Variants in AGBL4 observed in about 807,000 individuals in gnomAD.
AGBL4 encodes the protein cytosolic carboxypeptidase 6.
In AGBL4, 58 loss-of-function variants were observed where a neutral mutation model predicts 66.4. The observed-to-expected ratio is 0.87, with a 90% CI of 0.71 to 1.09. The LOEUF (loss-of-function observed/expected upper bound fraction) is 1.09, where lower values mean the gene tolerates loss of function less well. Ranked by LOEUF, AGBL4 falls within the 50% of genes least tolerant of loss-of-function variation. The pLI is 0.00. For missense variants in AGBL4, 579 were observed against 631.0 expected, an observed-to-expected ratio of 0.92 and a Z score of 0.88; for synonymous variants, 234 against 222.9, an observed-to-expected ratio of 1.05 and a Z score of -0.44.
intron 2 of AGBL4, among the ~76,000 whole-genome samples, chr1:49,785,169 G>C (rs1429937653): frequency 6.6e-6 from 1 of 151,960 alleles, no homozygotes; most frequent in Non-Finnish European, 1.5e-5. Context: ...CCAGTAGCTG[G>C]GGATGAGTGG....
chr1:49,517,536 T>C (rs1476034447), intron 3 of AGBL4, among the ~76,000 whole-genome samples: 4 of 151,944 alleles, frequency 2.6e-5, no homozygotes, highest in African/African-American at 7.2e-5. Context: ...GAGGGTCATT[T>C]ATTCAATAAA....
chr1:48,701,463 T>TCTTTTTCTTTTTC (rs11450789), intron 6 of AGBL4, among the ~76,000 whole-genome samples: 3 of 151,054 alleles, frequency 2.0e-5, no homozygotes, highest in Admixed American at 6.6e-5. Flanking sequence ...TTTTCCTTTT[T>TCTTTTTCTTTTTC]TTTTCTTTTC....
At chr1:48,738,892 T>C (rs1403599650) in intron 6 of AGBL4, among the ~76,000 whole-genome samples, 1 of 152,132 alleles carries the variant, frequency 6.6e-6, no homozygotes, top group Non-Finnish European at 1.5e-5. Context: ...GAGATGGAAA[T>C]AGGTAGAAAT....
intron 11 of AGBL4, among the ~76,000 whole-genome samples, chr1:48,549,344 T>A (rs1482459348): frequency 6.6e-6 from 1 of 152,184 alleles, no homozygotes; most frequent in East Asian, 1.9e-4. Flanking sequence ...ACTAAACAGG[T>A]GAATCCTTCT....
chr1:49,956,227 C>T (rs935104464), intron 1 of AGBL4, among the ~76,000 whole-genome samples: 5 of 151,752 alleles, frequency 3.3e-5, no homozygotes, highest in Non-Finnish European at 7.4e-5. Context: ...GAGTTTACAA[C>T]CTAACAGAAC....
At position 48,590,834 on chromosome 1, in the gene AGBL4, T is replaced by G; in HGVS notation, c.1103A>C (p.Tyr368Ser). The G allele has an allele frequency of 6.3e-7, 1 of 1,598,332 alleles. No individual in the cohort carries two copies. The highest frequency in any genetic ancestry group is 1.7e-5 in the Admixed American group (1 of 58,222). Residue 368 changes from tyrosine (Y) to serine (S), a missense_variant and splice_region_variant, in exon 10 of 14, where the codon TAT becomes TCT. Tyr to Ser is a moderately radical substitution (Grantham distance 144). Transcript: ENST00000371839. ...GCTGAGAGAGAACTCCTGGCTTACA[T>G]AGGAGAAGTCCTCAGCATTCTGGCA... Reference protein sequence around the residue: ...LLCQNAEDFSYSSTSFNRDAV... With the variant: ...LLCQNAEDFSSSSTSFNRDAV...
intron 9 of AGBL4, among the ~76,000 whole-genome samples, chr1:48,619,561 C>T (rs569093040): frequency 1.3e-5 from 2 of 152,316 alleles, no homozygotes; most frequent in African/African-American, 2.4e-5. Flanking sequence ...TCATTCACCC[C>T]ACCCATGCCA....
At chr1:49,494,276 G>GTT (rs531356460) in intron 3 of AGBL4, among the ~76,000 whole-genome samples, 2 of 146,212 alleles carry the variant, frequency 1.4e-5, no homozygotes, top group East Asian at 2.0e-4. Context: ...TTTGCCTTGA[G>GTT]TTTTTTTTTT....
intron 3 of AGBL4, among the ~76,000 whole-genome samples, chr1:49,499,411 T>C (rs1458646460): frequency 2.0e-5 from 3 of 151,842 alleles, no homozygotes; most frequent in Non-Finnish European, 4.4e-5. Context: ...TGGTGTATGG[T>C]TACAAGAATA....
intron 4 of AGBL4, among the ~76,000 whole-genome samples, chr1:49,233,472 G>A (rs1202225503): frequency 1.3e-5 from 2 of 152,194 alleles, no homozygotes; most frequent in Non-Finnish European, 1.5e-5. Flanking sequence ...TGGGATACTT[G>A]CAATAACTGG....
chr1:48,796,873 T>G (rs574324855), intron 6 of AGBL4, among the ~76,000 whole-genome samples: 2 of 152,286 alleles, frequency 1.3e-5, no homozygotes, highest in South Asian at 4.1e-4. Context: ...GTGATAAATA[T>G]AGCATCTTCC....
chr1:49,106,913 T>C (rs950977308), intron 4 of AGBL4, among the ~76,000 whole-genome samples: 2 of 152,194 alleles, frequency 1.3e-5, no homozygotes, highest in African/African-American at 4.8e-5. Flanking sequence ...TTAACACTAC[T>C]TTTTCTTGAA....
chr1:49,239,469 G>A (rs1234906965), intron 4 of AGBL4, among the ~76,000 whole-genome samples: 1 of 151,830 alleles, frequency 6.6e-6, no homozygotes, highest in Non-Finnish European at 1.5e-5. Flanking sequence ...ATATGATACA[G>A]GAAATCATGA....
intron 3 of AGBL4, among the ~76,000 whole-genome samples, chr1:49,491,368 A>G (rs918193640): frequency 6.6e-5 from 10 of 151,810 alleles, no homozygotes; most frequent in African/African-American, 2.4e-4. Context: ...GTGCAAAGGG[A>G]GAGTACTAGG....
chr1:49,388,471 G>A (rs2148587907), intron 3 of AGBL4, among the ~76,000 whole-genome samples: 1 of 152,194 alleles, frequency 6.6e-6, no homozygotes, highest in East Asian at 1.9e-4. Context: ...GCAACCTAGA[G>A]GAAGGCATGC....
intron 2 of AGBL4, among the ~76,000 whole-genome samples, chr1:49,825,311 G>C (rs1645480850): frequency 6.6e-6 from 1 of 152,174 alleles, no homozygotes; most frequent in Non-Finnish European, 1.5e-5. Flanking sequence ...AGAAGGAATA[G>C]GACACAAGAA....
At chr1:49,431,349 C>T (rs1645781359) in intron 3 of AGBL4, among the ~76,000 whole-genome samples, 2 of 152,136 alleles carry the variant, frequency 1.3e-5, no homozygotes, top group Non-Finnish European at 2.9e-5. Context: ...TGTTCCACAG[C>T]AATTAAAAAT....
At position 48,736,462 on chromosome 1, in the gene AGBL4, A is replaced by G. The variant is rs1317509953; in HGVS notation, c.635-73221T>C. 1 of 1,613,202 alleles carries G rather than the reference A, an allele frequency of 6.2e-7. No individual in the cohort carries two copies. Among genetic ancestry groups the G allele is most frequent in the Non-Finnish European group, 8.5e-7 (1 of 1,179,280 alleles). ...CGCTTCCCAGATGGACCTGAGAGGAATAAGAACACCAGCACCTGTTTAGTC... is the reference window on the plus strand; with the variant it reads ...CGCTTCCCAGATGGACCTGAGAGGAGTAAGAACACCAGCACCTGTTTAGTC... On this transcript the variant is annotated intron_variant, in intron 6 of 13. Coordinates refer to ENST00000371839, the MANE Select transcript of AGBL4 (RefSeq NM_032785.4). The surrounding 1 kb of genome is among the most constrained non-coding windows in gnomAD (Gnocchi z 4.0).
intron 6 of AGBL4, among the ~76,000 whole-genome samples, chr1:48,696,381 C>G (rs1456168580): frequency 2.0e-5 from 3 of 152,280 alleles, no homozygotes; most frequent in East Asian, 3.9e-4. Context: ...CCAGGTGGCT[C>G]TAGGACCTGG....
Sources: gnomAD v4.1 joint callset for allele counts (sites outside exome capture counted in the v4.1 genomes callset) on GRCh38, gnomAD v4.1.1 for gene constraint, Gnocchi (gnomAD v3.1) non-coding constraint, MANE v1.5 for transcripts, NCBI Gene and HGNC (gene_info 2026-07-23, HGNC 2026-07-21) for gene names.